The following ADGRL4 variants were observed in gnomAD, a reference collection of about 807,000 sequenced individuals.
The protein encoded by ADGRL4 is EGF, latrophilin and seven transmembrane domain containing 1.
In ADGRL4, 90 loss-of-function variants were observed where a neutral mutation model predicts 74.8. The observed-to-expected ratio is 1.20, with a 90% confidence interval of 1.02 to 1.43. The LOEUF is 1.43. ADGRL4 is among the 40% of genes most tolerant of loss of function. The pLI is 0.00. For synonymous variants in ADGRL4, 311 were observed against 279.2 expected (o/e 1.11, Z -1.14); for missense variants, 881 against 814.3 (o/e 1.08, Z -1.00).
At chr1:78,978,603 A>C (rs1030323394) in intron 2 of ADGRL4, among the ~76,000 whole-genome samples, 1 of 126,474 alleles carries the variant, frequency 7.9e-6, no homozygotes, top group Non-Finnish European at 1.7e-5. Flanking sequence ...AGGATTTCCC[A>C]AGAAACCTTA....
chr1:78,937,558 G>A (rs192762181), intron 6 of ADGRL4, among the ~76,000 whole-genome samples: 2 of 152,296 alleles, frequency 1.3e-5, no homozygotes, highest in Admixed American at 6.5e-5. Context: ...CCATTTAATG[G>A]CTGTACAGTT....
intron 2 of ADGRL4, among the ~76,000 whole-genome samples, chr1:78,985,963 C>A (rs1336911689): frequency 6.6e-6 from 1 of 151,672 alleles, no homozygotes; most frequent in Admixed American, 6.6e-5. Flanking sequence ...TAAGTGGGAG[C>A]TAAACATTGA....
At chr1:78,974,238 G>C (rs1322291646) in intron 2 of ADGRL4, among the ~76,000 whole-genome samples, 1 of 152,134 alleles carries the variant, frequency 6.6e-6, no homozygotes, top group Admixed American at 6.6e-5. Flanking sequence ...ACAAAGATGG[G>C]AGGAGAAGTC....
intron 12 of ADGRL4, among the ~76,000 whole-genome samples, chr1:78,897,206 C>T (rs887754806): frequency 2.0e-5 from 3 of 152,144 alleles, no homozygotes; most frequent in Non-Finnish European, 2.9e-5. Context: ...CTTGACCAAG[C>T]TTTAGCCAGG....
chr1:78,996,550 T>A (rs1650718990), intron 2 of ADGRL4, among the ~76,000 whole-genome samples: 1 of 152,236 alleles, frequency 6.6e-6, no homozygotes, highest in Non-Finnish European at 1.5e-5. Flanking sequence ...TGAAGGCTCA[T>A]GACTTTCTTA....
intron 2 of ADGRL4, among the ~76,000 whole-genome samples, chr1:78,979,237 T>TA (rs907590984): frequency 2.6e-5 from 4 of 152,054 alleles, no homozygotes; most frequent in Non-Finnish European, 4.4e-5. Context: ...TTTCACTACT[T>TA]AAAAAACCTT....
At chr1:78,892,201 T>C (rs1648295005) in intron 13 of ADGRL4, among the ~76,000 whole-genome samples, 1 of 152,146 alleles carries the variant, frequency 6.6e-6, no homozygotes, top group Non-Finnish European at 1.5e-5. Context: ...GATATAAAAA[T>C]AGGGTTTTGT....
chr1:78,890,853 A>G lies in ADGRL4; in HGVS notation c.*301T>C, dbSNP rs1469503526. ...GACATTCATATACTTCTCGTGTTAG[A>G]AAGAAAATCTTTCCTTGGGTGCAGT... On this transcript the variant is annotated 3_prime_UTR_variant, in exon 15 of 15. Transcript: ENST00000370742. The G allele has an allele frequency of 3.1e-6, 1 of 327,198 alleles. No individual in the cohort carries two copies. The allele number at this position is 327,198 out of a possible 1,614,324, so 20.3% of individuals were successfully genotyped here. A position where few individuals can be genotyped will look rare whatever the true frequency, so the allele number is the denominator to read the frequency against.
Position 78,981,769 on chromosome 1 carries a change from T to C in ADGRL4, c.172+23301A>G, listed in dbSNP as rs144290060. ...GCTATGAATAATTAAAATATATCTG[T>C]CTTGTGTTATGAATTAAGTATAAAT... On this transcript the variant is annotated intron_variant, in intron 2 of 14. Transcript: ENST00000370742. Among the ~76,000 whole-genome samples the C allele has an allele frequency of 8.9e-4, 136 of 151,984 alleles. 2 individuals carry two copies. The East Asian group carries it at 0.022, about 25-fold the overall frequency.
intron 2 of ADGRL4, among the ~76,000 whole-genome samples, chr1:78,947,265 T>C (rs1649622331): frequency 6.6e-6 from 1 of 152,158 alleles, no homozygotes. Flanking sequence ...TTGGATATGT[T>C]ATTAAAGAAA....
chr1:78,980,190 A>C (rs1020625982), intron 2 of ADGRL4, among the ~76,000 whole-genome samples: 3 of 151,504 alleles, frequency 2.0e-5, no homozygotes, highest in Non-Finnish European at 4.4e-5. Context: ...ACACATACAC[A>C]CACACACCCA....
intron 9 of ADGRL4, among the ~76,000 whole-genome samples, chr1:78,921,180 T>C (rs1159461508): frequency 6.6e-6 from 1 of 151,652 alleles, no homozygotes; most frequent in East Asian, 1.9e-4. Flanking sequence ...GCGTTCTACA[T>C]TGCTAAAAAC....
chr1:78,894,122 C>A (rs1648345023), intron 12 of ADGRL4, among the ~76,000 whole-genome samples: 1 of 151,810 alleles, frequency 6.6e-6, no homozygotes, highest in Non-Finnish European at 1.5e-5. Flanking sequence ...CAACAAAGTG[C>A]AACATTATAA....
chr1:78,951,983 A>G (rs1031422782), intron 2 of ADGRL4, among the ~76,000 whole-genome samples: 2 of 152,198 alleles, frequency 1.3e-5, no homozygotes, highest in African/African-American at 2.4e-5. Flanking sequence ...ATAGGACAGA[A>G]GCTTATTTGC....
At chr1:78,948,905 G>A (rs1649666866) in intron 2 of ADGRL4, among the ~76,000 whole-genome samples, 1 of 152,034 alleles carries the variant, frequency 6.6e-6, no homozygotes, top group African/African-American at 2.4e-5. Flanking sequence ...AAAAAGTCAG[G>A]ATCTGTGCCC....
chr1:78,995,813 C>T (rs151327193), intron 2 of ADGRL4, among the ~76,000 whole-genome samples: 31 of 152,248 alleles, frequency 2.0e-4, no homozygotes, highest in Admixed American at 1.8e-3. Context: ...TTGTGACTTA[C>T]GATGGGAATC....
At chr1:78,899,439 C>T (rs1205447231) in intron 12 of ADGRL4, among the ~76,000 whole-genome samples, 1 of 152,142 alleles carries the variant, frequency 6.6e-6, no homozygotes, top group Non-Finnish European at 1.5e-5. Flanking sequence ...ACTGCAACCT[C>T]AACCTCCTGG....
chr1:78,909,823 G>T (rs1023272847), intron 12 of ADGRL4, among the ~76,000 whole-genome samples: 17 of 151,728 alleles, frequency 1.1e-4, no homozygotes, highest in Admixed American at 6.6e-5. Flanking sequence ...ATAGATACAT[G>T]AAATTATATT....
intron 2 of ADGRL4, among the ~76,000 whole-genome samples, chr1:78,998,762 T>A (rs1190379127): frequency 6.6e-6 from 1 of 152,196 alleles, no homozygotes; most frequent in Non-Finnish European, 1.5e-5. Flanking sequence ...ATAATTCATT[T>A]TATCTCAATG....
Sources: gnomAD v4.1 joint callset for allele counts (sites outside exome capture counted in the v4.1 genomes callset) on GRCh38, gnomAD v4.1.1 for gene constraint, MANE v1.5 for transcripts, NCBI Gene and HGNC (gene_info 2026-07-23, HGNC 2026-07-21) for gene names.